The following PLD5 variants were observed in gnomAD, a reference collection of about 807,000 sequenced individuals.
PLD5 encodes the protein inactive phospholipase D5.
In PLD5, 36 loss-of-function variants were observed where a neutral mutation model predicts 61.1. That is an observed-to-expected ratio of 0.59 (90% CI 0.45 to 0.78). The LOEUF (loss-of-function observed/expected upper bound fraction) is 0.78. PLD5 is among the 30% of genes least tolerant of loss of function. The pLI, the probability that PLD5 is intolerant of heterozygous loss-of-function variation, is 0.00. For missense variants in PLD5, 515 were observed against 644.4 expected, an observed-to-expected ratio of 0.80 and a Z score of 2.17; for synonymous variants, 243 against 242.8, an observed-to-expected ratio of 1.00 and a Z score of -0.01.
chr1:242,128,346 C>T (rs1290593222), intron 5 of PLD5, among the ~76,000 whole-genome samples: 1 of 151,716 alleles, frequency 6.6e-6, no homozygotes, highest in Admixed American at 6.6e-5. Flanking sequence ...ATTTCCCTAT[C>T]CACCTTGTTT....
intron 2 of PLD5, among the ~76,000 whole-genome samples, chr1:242,292,177 T>C (rs1200810904): frequency 7.2e-5 from 11 of 152,178 alleles, no homozygotes; most frequent in Non-Finnish European, 1.5e-4. Flanking sequence ...TAATAGAAGC[T>C]AGACATAGCG....
intron 1 of PLD5, among the ~76,000 whole-genome samples, chr1:242,415,803 TG>T (rs1314483188): frequency 6.6e-6 from 1 of 152,112 alleles, no homozygotes; most frequent in East Asian, 1.9e-4. Flanking sequence ...GCCACTGCGC[TG>T]GGCCAAGATT....
intron 1 of PLD5, among the ~76,000 whole-genome samples, chr1:242,364,439 A>C (rs1451654648): frequency 6.6e-6 from 1 of 152,206 alleles, no homozygotes; most frequent in Non-Finnish European, 1.5e-5. Context: ...TTAGAAAGCC[A>C]GGAGCAGTGG....
intron 3 of PLD5, among the ~76,000 whole-genome samples, chr1:242,275,257 T>TATATGAATATATATTCATATTCATATAG (rs1674349748): frequency 6.6e-6 from 1 of 152,064 alleles, no homozygotes; most frequent in Non-Finnish European, 1.5e-5. Context: ...GATCATATGA[T>TATATGAATATATATTCATATTCATATAG]ATATGAATAT....
upstream of PLD5, among the ~76,000 whole-genome samples, chr1:242,529,143 A>G (rs1669502360): frequency 6.6e-6 from 1 of 152,260 alleles, no homozygotes; most frequent in African/African-American, 2.4e-5. Context: ...TGAATAATTT[A>G]ATACCAGTAG....
chr1:242,395,478 A>G (rs1663518645), intron 1 of PLD5, among the ~76,000 whole-genome samples: 1 of 152,228 alleles, frequency 6.6e-6, no homozygotes, highest in Non-Finnish European at 1.5e-5. Flanking sequence ...TAGAGAATTA[A>G]GAAACAAGAT....
intron 1 of PLD5, among the ~76,000 whole-genome samples, chr1:242,453,894 G>T (rs1666864101): frequency 6.6e-6 from 1 of 152,106 alleles, no homozygotes; most frequent in Non-Finnish European, 1.5e-5. Context: ...TTTTTGCCTG[G>T]CCATTGGATA....
intron 4 of PLD5, among the ~76,000 whole-genome samples, chr1:242,231,324 T>C (rs1042482648): frequency 3.9e-5 from 6 of 152,218 alleles, no homozygotes; most frequent in Non-Finnish European, 8.8e-5. Flanking sequence ...GCATCCGTTT[T>C]GGTGCCAGTG....
At chr1:242,161,270 G>A (rs1665802558) in intron 5 of PLD5, among the ~76,000 whole-genome samples, 1 of 152,094 alleles carries the variant, frequency 6.6e-6, no homozygotes, top group Non-Finnish European at 1.5e-5. Flanking sequence ...TTACATGGCA[G>A]CAGGCAAGAG....
intron 2 of PLD5, among the ~76,000 whole-genome samples, chr1:242,331,622 AC>A (rs1279003045): frequency 1.5e-4 from 23 of 152,216 alleles, no homozygotes; most frequent in Admixed American, 1.5e-3. Context: ...CACGGCAGAT[AC>A]AAAGCAACAT....
At chr1:242,161,967 C>A (rs922445848) in intron 5 of PLD5, among the ~76,000 whole-genome samples, 1 of 152,130 alleles carries the variant, frequency 6.6e-6, no homozygotes, top group African/African-American at 2.4e-5. Context: ...AGCTGTTCAA[C>A]CTCAGAGGTG....
At chr1:242,223,424 G>A (rs1670728477) in intron 4 of PLD5, among the ~76,000 whole-genome samples, 1 of 152,186 alleles carries the variant, frequency 6.6e-6, no homozygotes, top group Non-Finnish European at 1.5e-5. Flanking sequence ...TCAGAAAGTG[G>A]AGTCCTTACT....
chr1:242,513,940 G>C (rs1278035087), intron 1 of PLD5, among the ~76,000 whole-genome samples: 1 of 152,132 alleles, frequency 6.6e-6, no homozygotes, highest in Non-Finnish European at 1.5e-5. Flanking sequence ...TTGCATCGGT[G>C]CCTCATTAGT....
At chr1:242,521,165 A>G (rs542244515) in intron 1 of PLD5, among the ~76,000 whole-genome samples, 1 of 152,316 alleles carries the variant, frequency 6.6e-6, no homozygotes, top group Non-Finnish European at 1.5e-5. Context: ...TTATTTTAGT[A>G]TGGAATGATT....
intron 8 of PLD5, among the ~76,000 whole-genome samples, chr1:242,107,319 T>G (rs1215001486): frequency 6.6e-6 from 1 of 151,664 alleles, no homozygotes; most frequent in Non-Finnish European, 1.5e-5. Context: ...CTACAAAAAA[T>G]GCAAAATTAG....
At chr1:242,175,857 T>C (rs576892093) in intron 5 of PLD5, among the ~76,000 whole-genome samples, 5 of 150,260 alleles carry the variant, frequency 3.3e-5, no homozygotes, top group Admixed American at 6.6e-5. Context: ...CAATTGCTAC[T>C]AATGGAATAG....
At chr1:242,193,117 G>A (rs777181012) in intron 5 of PLD5, among the ~76,000 whole-genome samples, 1 of 152,038 alleles carries the variant, frequency 6.6e-6, no homozygotes, top group African/African-American at 2.4e-5. Flanking sequence ...TCTGTCACTG[G>A]ACTTATTTTA....
chr1:242,089,703 TTAGA>T lies in PLD5; in HGVS notation c.*147_*150del. On this transcript the variant is annotated 3_prime_UTR_variant, in exon 10 of 10. Transcript: ENST00000536534. The stretch of plus-strand genomic sequence containing the variant: ...TAGTGTACACGACGCTAAGATATTG[TTAGA>T]TAGGTATTATGTGTTGTTCAGAGAA... The T allele has an allele frequency of 3.2e-6, 3 of 946,002 alleles. No individual in the cohort carries two copies. The highest frequency in any genetic ancestry group is 2.5e-5 in the Admixed American group (1 of 40,484). 58.6% of individuals were successfully genotyped at this position (946,002 alleles called of 1,614,324 possible).
chr1:242,221,615 T>C (rs1017654342), intron 4 of PLD5, among the ~76,000 whole-genome samples: 2 of 152,180 alleles, frequency 1.3e-5, no homozygotes, highest in Non-Finnish European at 2.9e-5. Flanking sequence ...GCAGATTTTC[T>C]CTGAGGGTAG....
Sources: allele counts gnomAD v4.1 joint callset (sites outside exome capture counted in the v4.1 genomes callset), GRCh38; gene constraint gnomAD v4.1.1; transcripts MANE v1.5; gene names NCBI Gene and HGNC (gene_info 2026-07-23, HGNC 2026-07-21).